RIPOR2: variants seen among roughly 807,000 people sequenced by gnomAD.
RIPOR2 encodes rho family-interacting cell polarization regulator 2.
RIPOR2 carries 39 observed loss-of-function variants against 114.5 expected under a neutral mutation model. The observed-to-expected ratio is 0.34, with a 90% CI of 0.26 to 0.44. RIPOR2 has a LOEUF of 0.44. Ranked by LOEUF, RIPOR2 falls within the 20% of genes least tolerant of loss-of-function variation. RIPOR2 has a pLI of 1.00. For synonymous variants in RIPOR2, 445 were observed against 484.4 expected, an observed-to-expected ratio of 0.92 and a Z score of 1.07; for missense variants, 1,007 against 1,255.1, an observed-to-expected ratio of 0.80 and a Z score of 2.99.
chr6:24,917,246 C>T (rs551179960), intron 1 of RIPOR2, among the ~76,000 whole-genome samples: 60 of 152,042 alleles, frequency 3.9e-4, no homozygotes, highest in Admixed American at 1.3e-3. Context: ...CTTTGGGGAC[C>T]CCTTGAAAGG....
At chr6:24,820,407 T>C (rs1458680848) in intron 19 of RIPOR2, among the ~76,000 whole-genome samples, 2 of 152,232 alleles carry the variant, frequency 1.3e-5, no homozygotes. Context: ...ATATTTAGAC[T>C]ACAGCATGTA....
intron 1 of RIPOR2, among the ~76,000 whole-genome samples, chr6:24,897,450 TCCCCCTCCG>T (rs1767991023): frequency 6.6e-6 from 1 of 151,996 alleles, no homozygotes; most frequent in African/African-American, 2.4e-5. Context: ...ATAGCACCCC[TCCCCCTCCG>T]CCATCCTCCA....
chr6:25,003,374 A>G (rs1174900375), intron 1 of RIPOR2, among the ~76,000 whole-genome samples: 1 of 148,984 alleles, frequency 6.7e-6, no homozygotes, highest in African/African-American at 2.5e-5. Flanking sequence ...TCAGTTTTTC[A>G]GAATTAACAC....
intron 1 of RIPOR2, among the ~76,000 whole-genome samples, chr6:24,949,466 C>T (rs191550217): frequency 6.6e-6 from 1 of 152,314 alleles, no homozygotes; most frequent in East Asian, 1.9e-4. Flanking sequence ...CCCTCTCAGC[C>T]TCTGCACGTG....
Position 24,825,369 on chromosome 6 carries a change from C to T in RIPOR2, c.2725G>A (p.Asp909Asn), listed in dbSNP as rs757970783. Residue 909 changes from aspartate (D) to asparagine (N), a missense_variant, in exon 19 of 22, where the codon GAC becomes AAC. By Grantham distance (23) the Asp-to-Asn change is conservative. Coordinates refer to ENST00000643898, the MANE Select transcript of RIPOR2 (RefSeq NM_001286445.3). Reference protein sequence around the residue: ...RDEKLLQTMSDLAPSNLLAQQ... With the variant: ...RDEKLLQTMSNLAPSNLLAQQ... ...GCCAGGAGGTTGCTGGGAGCAAGGT[C>T]ACTCATGGTTTGTAGCAGTTTTTCA... 15 of 1,551,950 alleles carry T rather than the reference C, an allele frequency of 9.7e-6. No homozygotes were observed. Among genetic ancestry groups the T allele is most frequent in the Non-Finnish European group, 2.6e-6 (3 of 1,147,084 alleles).
At position 24,991,749 on chromosome 6, in the gene RIPOR2, T is replaced by C. The variant is rs556556963; in HGVS notation, c.76+50102A>G. On this transcript the variant is annotated intron_variant, in intron 1 of 13. Coordinates refer to the RIPOR2 transcript ENST00000510784. The stretch of plus-strand genomic sequence containing the variant: ...CCCAGACCCATATCCAAACCTCAGC[T>C]TAAAGGGTTTTAATGAAACCCTCAA... Among the ~76,000 whole-genome samples the C allele has an allele frequency of 5.9e-5, 9 of 152,212 alleles. 1 individual carries two copies. The South Asian group carries it at 1.9e-3, about 32-fold the overall frequency.
chr6:24,968,059 C>T (rs190170603), intron 1 of RIPOR2, among the ~76,000 whole-genome samples: 23 of 152,042 alleles, frequency 1.5e-4, no homozygotes, highest in Admixed American at 9.2e-4. Context: ...ATTACAGGCA[C>T]GTGTCACCAC....
chr6:24,954,415 G>A (rs1772929422), intron 1 of RIPOR2, among the ~76,000 whole-genome samples: 1 of 149,682 alleles, frequency 6.7e-6, no homozygotes, highest in South Asian at 2.1e-4. Context: ...TGCAACACAG[G>A]AATCACACCT....
chr6:25,009,148 TG>T (rs1343724058), intron 1 of RIPOR2, among the ~76,000 whole-genome samples: 1 of 152,090 alleles, frequency 6.6e-6, no homozygotes, highest in African/African-American at 2.4e-5. Context: ...GTTGGTCTCG[TG>T]GGGAAAGGCA....
intron 14 of RIPOR2, among the ~76,000 whole-genome samples, chr6:24,836,953 T>C (rs1159674360): frequency 3.9e-5 from 6 of 152,314 alleles, no homozygotes; most frequent in African/African-American, 1.2e-4. Flanking sequence ...GTGCTTGTGA[T>C]ATTTTTTTGT....
At chr6:24,831,850 C>T (rs1430937684) in intron 16 of RIPOR2, among the ~76,000 whole-genome samples, 1 of 152,158 alleles carries the variant, frequency 6.6e-6, no homozygotes, top group Non-Finnish European at 1.5e-5. Context: ...TGTATTTGTA[C>T]CTTTCCCCAG....
rs1214172914 is a variant in RIPOR2 at position 25,037,540 on chromosome 6, G to C, written c.76+4311C>G. Among the ~76,000 whole-genome samples, 1 of 152,144 alleles carries C rather than the reference G, an allele frequency of 6.6e-6. No individual in the cohort carries two copies. The highest frequency in any genetic ancestry group is 1.9e-4 in the East Asian group (1 of 5,202). On this transcript the variant is annotated intron_variant, in intron 1 of 13. Transcript: ENST00000510784. This position sits in a 1 kb window ranked among gnomAD's most constrained non-coding sequence, Gnocchi z 4.5. ...GGTCCTTCTCCCGAATGTCTGCTCA[G>C]TATCACACATGTGTGTCTTTGTAGT...
At chr6:24,899,340 C>A (rs2817723) in intron 1 of RIPOR2, among the ~76,000 whole-genome samples, 70,452 of 151,964 alleles carry the variant, frequency 0.46, 17,344 homozygotes, top group African/African-American at 0.63. Flanking sequence ...GAAGAGATAA[C>A]ATATGAGTTA....
chr6:24,906,102 A>G (rs1473780870), intron 1 of RIPOR2, among the ~76,000 whole-genome samples: 1 of 151,064 alleles, frequency 6.6e-6, no homozygotes, highest in Admixed American at 6.6e-5. Context: ...TAGTATCATC[A>G]TCATTAATAG....
chr6:24,808,192 C>A (rs1780901006), intron 21 of RIPOR2, among the ~76,000 whole-genome samples: 2 of 152,168 alleles, frequency 1.3e-5, no homozygotes. Context: ...TAAGGTGAAG[C>A]AGGTATGGTG....
intron 1 of RIPOR2, among the ~76,000 whole-genome samples, chr6:24,926,236 G>C (rs1026621417): frequency 6.6e-6 from 1 of 152,224 alleles, no homozygotes; most frequent in African/African-American, 2.4e-5. Context: ...GGGGGAGGCA[G>C]TGCCTCTGAT....
At chr6:24,947,736 GAGGGGAAGGAA>G (rs1377869821) in intron 1 of RIPOR2, 1 of 151,674 alleles carries the variant, frequency 6.6e-6, no homozygotes, top group East Asian at 1.9e-4. Flanking sequence ...GGGGGAAGGG[GAGGGGAAGGAA>G]AAGAGTAGGG....
chr6:24,811,548 T>G (rs1480558159), intron 20 of RIPOR2, among the ~76,000 whole-genome samples: 1 of 151,914 alleles, frequency 6.6e-6, no homozygotes, highest in East Asian at 1.9e-4. Context: ...TCTCTCATTC[T>G]TTTCTCAAGA....
chr6:24,834,144 C>T (rs999920036), intron 15 of RIPOR2, among the ~76,000 whole-genome samples: 1 of 152,068 alleles, frequency 6.6e-6, no homozygotes, highest in Non-Finnish European at 1.5e-5. Flanking sequence ...TTTGTGAGAC[C>T]TTTGTGGTTT....
Sources: gnomAD v4.1 joint callset for allele counts (sites outside exome capture counted in the v4.1 genomes callset) on GRCh38, gnomAD v4.1.1 for gene constraint, Gnocchi (gnomAD v3.1) non-coding constraint, MANE v1.5 for transcripts, NCBI Gene and HGNC (gene_info 2026-07-23, HGNC 2026-07-21) for gene names.